Variants in CLTCL1 observed in about 807,000 individuals in gnomAD.
CLTCL1 encodes the protein clathrin heavy chain 2.
Under a neutral mutation model 190.0 loss-of-function variants are expected in CLTCL1, and 159 were observed. The observed-to-expected ratio is 0.84, with a 90% CI of 0.74 to 0.95. CLTCL1 has a LOEUF of 0.95. Ranked by LOEUF, CLTCL1 falls within the 40% of genes least tolerant of loss-of-function variation. The pLI is 0.00. For synonymous variants in CLTCL1, 752 were observed against 769.6 expected (o/e 0.98, Z 0.38); for missense variants, 1,878 against 2,033.4 (o/e 0.92, Z 1.47).
At position 19,180,120 on chromosome 22, in the gene CLTCL1, C is replaced by G; in HGVS notation, c.*20+79G>C. 5 of 1,284,994 alleles carry G rather than the reference C, an allele frequency of 3.9e-6. No individual in the cohort carries two copies. In the South Asian group the frequency reaches 6.1e-5, roughly 16 times the overall value. The allele number at this position is 1,284,994 out of a possible 1,614,324, so 79.6% of individuals were successfully genotyped here. On this transcript the variant is annotated intron_variant, in intron 32 of 32. Coordinates refer to ENST00000427926, the MANE Select transcript of CLTCL1 (RefSeq NM_007098.4). ...GCTGAGGCCCCAAGAGAGCAGGCAT[C>G]CAGAGGCAAGGAGCGTGGGGTCAGC...
Position 19,234,514 on chromosome 22 carries a change from G to A in CLTCL1, c.1162C>T (p.Pro388Ser), listed in dbSNP as rs2086016427. 1.9e-6 allele frequency: 3 copies of A among 1,612,146 alleles called. No individual in the cohort carries two copies. The highest frequency in any genetic ancestry group is 2.2e-5 in the South Asian group (2 of 90,902). ...AEAAKVAASA[P>S]KGILRTRETV... is the part of the protein sequence containing the mutation. ...CAGTATTCAAGGTTTATCACCTTTG[G>A]TGCAGACGCTGCAACTTTGGCGGCT... is the stretch of plus-strand genomic sequence containing the variant. Residue 388 changes from proline (P) to serine (S), a missense_variant, in exon 7 of 33, where the codon CCA becomes TCA. Coordinates refer to ENST00000427926, the MANE Select transcript of CLTCL1 (RefSeq NM_007098.4).
chr22:19,180,217 T>G lies in CLTCL1; in HGVS notation c.*2A>C, dbSNP rs569749506. 2.0e-4 allele frequency: 316 copies of G among 1,613,656 alleles called. 4 individuals carry two copies. In the South Asian group the frequency reaches 3.2e-3, roughly 17 times the overall value. On this transcript the variant is annotated 3_prime_UTR_variant, in exon 32 of 33. Transcript: ENST00000427926. Reference sequence around the variant, plus strand: ...CACTTACTTAGTGCAATCAGCTGGGTCTCATTCATGCCCATCAAAATCTAA... The same window carrying G: ...CACTTACTTAGTGCAATCAGCTGGGGCTCATTCATGCCCATCAAAATCTAA...
intron 4 of CLTCL1, among the ~76,000 whole-genome samples, chr22:19,242,373 T>G (rs1276480640): frequency 6.6e-6 from 1 of 151,754 alleles, no homozygotes; most frequent in East Asian, 1.9e-4. Context: ...CACTGCAACC[T>G]CTGCCTTGCA....
Position 19,192,255 on chromosome 22 carries a change from C to T in CLTCL1, c.4192-820G>A, listed in dbSNP as rs563384691. Among the ~76,000 whole-genome samples, 6 of 152,016 alleles carry T rather than the reference C, an allele frequency of 3.9e-5. No homozygotes were observed. In the South Asian group the frequency reaches 6.2e-4, roughly 16 times the overall value. On this transcript the variant is annotated intron_variant, in intron 26 of 32. Transcript: ENST00000427926. Reference sequence around the variant, plus strand: ...TAATTTTTTGTATTTTTAGTAGAGCCGGGGTTTCACCGTGTTAGCCAGGAT... The same window carrying T: ...TAATTTTTTGTATTTTTAGTAGAGCTGGGGTTTCACCGTGTTAGCCAGGAT...
At chr22:19,287,181 A>G (rs1555990575) in intron 1 of CLTCL1, among the ~76,000 whole-genome samples, 1 of 152,178 alleles carries the variant, frequency 6.6e-6, no homozygotes, top group East Asian at 1.9e-4. Context: ...CAACTCTCAC[A>G]TTTGAATATT....
rs781885365 is a variant in CLTCL1, at chr22:19,254,100, C to T, written c.378G>A (p.Ala126=). The stretch of plus-strand genomic sequence containing the variant: ...CACCTTCCATGCTCCAGTGGTAGAC[C>T]GCGGTCTCGGTCACCAAGGCAACAG... ...VNTVALVTET[A]VYHWSMEGDS... is the part of the protein sequence containing the mutation. Residue 126 remains alanine, a synonymous_variant, in exon 3 of 33, where the codon GCG becomes GCA. Transcript: ENST00000427926. 4.7e-5 allele frequency: 76 copies of T among 1,612,764 alleles called. No homozygotes were observed. The highest frequency in any genetic ancestry group is 1.6e-4 in the Middle Eastern group (1 of 6,084).
intron 1 of CLTCL1, 52 bp downstream of exon 1, chr22:19,291,548 G>T: frequency 7.6e-7 from 1 of 1,314,966 alleles, no homozygotes; most frequent in Non-Finnish European, 9.8e-7. Flanking sequence ...TGGCAGTCCG[G>T]CCCGGCGGAG....
intron 26 of CLTCL1, among the ~76,000 whole-genome samples, chr22:19,194,461 G>C (rs928085876): frequency 1.3e-5 from 2 of 152,318 alleles, no homozygotes; most frequent in Admixed American, 6.5e-5. Context: ...CAGCCTGAGT[G>C]ACAGAGTGAG....
At chr22:19,259,342 G>C (rs2086868127) in intron 2 of CLTCL1, among the ~76,000 whole-genome samples, 1 of 152,080 alleles carries the variant, frequency 6.6e-6, no homozygotes, top group Non-Finnish European at 1.5e-5. Flanking sequence ...CTGACCTCAG[G>C]TGATCTGCCC....
Position 19,226,221 on chromosome 22 carries a change from C to T in CLTCL1, c.1945G>A (p.Glu649Lys), listed in dbSNP as rs145514163. 4.1e-4 allele frequency: 669 copies of T among 1,613,432 alleles called. No individual in the cohort carries two copies. In the African/African-American group the frequency reaches 7.9e-3, roughly 19 times the overall value. Residue 649 changes from glutamate (E) to lysine (K), a missense_variant and splice_region_variant, in exon 12 of 33, where the codon GAG becomes AAG. Coordinates refer to ENST00000427926, the MANE Select transcript of CLTCL1 (RefSeq NM_007098.4). The stretch of plus-strand genomic sequence containing the variant: ...GAGTGCCCAGGGGTACACAGTACCT[C>T]GGGATTGAGGAGGTGAGTGTGGACC... ...AVVHTHLLNP[E>K]WLVNFFGSLS... is the part of the protein sequence containing the mutation.
chr22:19,265,727 A>T (rs538090167), intron 2 of CLTCL1, among the ~76,000 whole-genome samples: 1 of 152,324 alleles, frequency 6.6e-6, no homozygotes, highest in South Asian at 2.1e-4. Context: ...AAATAGTAAA[A>T]AGAAAAATTC....
intron 19 of CLTCL1, among the ~76,000 whole-genome samples, chr22:19,212,027 A>ATAGTTTT (rs1281142949): frequency 2.8e-4 from 42 of 152,282 alleles, no homozygotes; most frequent in African/African-American, 9.9e-4. Flanking sequence ...AAATCTACAT[A>ATAGTTTT]TGACCTATAT....
chr22:19,233,280 G>A lies in CLTCL1; in HGVS notation c.1407C>T (p.Thr469=), dbSNP rs782717508. The stretch of plus-strand genomic sequence containing the variant: ...CACTCAGAGCGAGCATGGGGTCAGT[G>A]GTTTTGACCAAGTCTCCGAGCTCCT... ...CSEELGDLVK[T]TDPMLALSVY... The change falls in exon 9 of 33, where the codon ACC becomes ACT. Residue 469 remains threonine, a synonymous_variant. Coordinates refer to ENST00000427926, the MANE Select transcript of CLTCL1 (RefSeq NM_007098.4). 1.2e-6 allele frequency: 2 copies of A among 1,613,854 alleles called. No individual in the cohort carries two copies. Among genetic ancestry groups the A allele is most frequent in the Admixed American group, 1.7e-5 (1 of 60,018 alleles).
intron 2 of CLTCL1, among the ~76,000 whole-genome samples, chr22:19,270,694 T>C (rs1037398976): frequency 1.4e-4 from 18 of 126,130 alleles, no homozygotes; most frequent in African/African-American, 5.6e-4. Context: ...GCCACTGCAC[T>C]CCAGCCTGGG....
At position 19,224,141 on chromosome 22, in the gene CLTCL1, G is replaced by T. The variant is rs1264802812; in HGVS notation, c.2129-87C>A. On this transcript the variant is annotated intron_variant, in intron 13 of 32. Coordinates refer to ENST00000427926, the MANE Select transcript of CLTCL1 (RefSeq NM_007098.4). ...CTGCCCACCTTCCCTCGATGACCCTGCTCCACTCTCCAGGGACCCACAGCA... is the reference window on the plus strand; with the variant it reads ...CTGCCCACCTTCCCTCGATGACCCTTCTCCACTCTCCAGGGACCCACAGCA... The T allele has an allele frequency of 5.7e-6, 8 of 1,405,430 alleles. No homozygotes were observed. In the East Asian group the frequency reaches 1.9e-4, roughly 33 times the overall value. The allele number at this position is 1,405,430 out of a possible 1,614,324, so 87.1% of individuals were successfully genotyped here.
intron 2 of CLTCL1, chr22:19,258,352 C>T (rs1044842818): frequency 1.5e-4 from 65 of 423,274 alleles, no homozygotes; most frequent in Middle Eastern, 8.8e-4. Context: ...GAGGAGAGCA[C>T]CACAGTGGTC....
At chr22:19,250,038 G>T in intron 3 of CLTCL1, 1 of 247,230 alleles carries the variant, frequency 4.0e-6, no homozygotes, top group Non-Finnish European at 8.4e-6. Flanking sequence ...CAGATCACTT[G>T]AGGTCAGGAG....
At chr22:19,195,548 T>C (rs1212984043) in intron 26 of CLTCL1, among the ~76,000 whole-genome samples, 1 of 140,154 alleles carries the variant, frequency 7.1e-6, no homozygotes, top group Non-Finnish European at 1.6e-5. Context: ...ACAAGTTAGT[T>C]ACCCAAAGAC....
At chr22:19,211,628 G>C (rs111717058) in intron 19 of CLTCL1, among the ~76,000 whole-genome samples, 5 of 151,906 alleles carry the variant, frequency 3.3e-5, no homozygotes, top group African/African-American at 1.2e-4. Flanking sequence ...TTAGCTGGGC[G>C]TGGTGGCAGG....
Sources: gnomAD v4.1 joint callset for allele counts (sites outside exome capture counted in the v4.1 genomes callset) on GRCh38, gnomAD v4.1.1 for gene constraint, MANE v1.5 for transcripts, NCBI Gene and HGNC (gene_info 2026-07-23, HGNC 2026-07-21) for gene names.